Variants in TP63 observed in about 807,000 individuals in gnomAD.
TP63 encodes the protein tumor protein 63.
TP63 carries 17 observed loss-of-function variants against 82.8 expected under a neutral mutation model. The ratio of observed to expected loss-of-function variants is 0.21; its 90% confidence interval spans 0.14 to 0.31. The LOEUF is 0.31. Among genes scored for constraint, TP63 ranks in the 10% least tolerant of loss-of-function variants. TP63 has a pLI of 1.00. For missense variants in TP63, 648 were observed against 895.3 expected, an observed-to-expected ratio of 0.72 and a Z score of 3.52; for synonymous variants, 330 against 321.7, an observed-to-expected ratio of 1.03 and a Z score of -0.28.
chr3:189,648,932 A>G (rs879899927), intron 1 of TP63, among the ~76,000 whole-genome samples: 1 of 147,334 alleles, frequency 6.8e-6, no homozygotes, highest in Non-Finnish European at 1.5e-5. Flanking sequence ...TGCCTAATTA[A>G]TGGCAAAGGC....
intron 3 of TP63, among the ~76,000 whole-genome samples, chr3:189,739,906 C>T (rs537065877): frequency 6.6e-5 from 10 of 151,066 alleles, no homozygotes; most frequent in East Asian, 3.9e-4. Context: ...TATCTGTTGA[C>T]GAGATTAAGG....
At chr3:189,851,950 A>G (rs2030166056) in intron 4 of TP63, among the ~76,000 whole-genome samples, 1 of 152,088 alleles carries the variant, frequency 6.6e-6, no homozygotes, top group Non-Finnish European at 1.5e-5. Flanking sequence ...GAAGGGTTAT[A>G]TTTGCATTTC....
chr3:189,701,777 C>T (rs1717830426), intron 1 of TP63, among the ~76,000 whole-genome samples: 1 of 151,944 alleles, frequency 6.6e-6, no homozygotes, highest in East Asian at 1.9e-4. Flanking sequence ...ATTGATTCCT[C>T]ACTGTCTCTG....
intron 13 of TP63, 114 bp downstream of exon 13, chr3:189,890,996 C>CA: frequency 1.1e-6 from 1 of 929,254 alleles, no homozygotes; most frequent in East Asian, 2.6e-5. Flanking sequence ...GTCATGCCCC[C>CA]AATTATCCAT....
intron 3 of TP63, among the ~76,000 whole-genome samples, chr3:189,805,777 A>T (rs1280489865): frequency 6.6e-6 from 1 of 152,234 alleles, no homozygotes; most frequent in Admixed American, 6.5e-5. Context: ...CAACAAAACA[A>T]TGGCAGGATT....
chr3:189,751,035 G>T (rs1721782202), intron 3 of TP63, among the ~76,000 whole-genome samples: 1 of 152,034 alleles, frequency 6.6e-6, no homozygotes, highest in Non-Finnish European at 1.5e-5. Context: ...TGTTCTGATT[G>T]TTCAGTTCCC....
intron 4 of TP63, among the ~76,000 whole-genome samples, chr3:189,816,369 A>T (rs140534155): frequency 1.3e-5 from 2 of 152,194 alleles, no homozygotes; most frequent in African/African-American, 2.4e-5. Context: ...ATTTCCATAC[A>T]TGAGCTTTGC....
At chr3:189,874,309 T>A (rs1039916782) in intron 10 of TP63, among the ~76,000 whole-genome samples, 1 of 152,166 alleles carries the variant, frequency 6.6e-6, no homozygotes, top group Non-Finnish European at 1.5e-5. Context: ...TGAACTCAGG[T>A]GATCCACCCA....
intron 10 of TP63, among the ~76,000 whole-genome samples, chr3:189,875,589 C>CATATATATAT (rs779050433): frequency 0.083 from 3,670 of 44,096 alleles, 375 homozygotes; most frequent in South Asian, 0.12. Context: ...AAAAAAAATA[C>CATATATATAT]ATACATATAT....
At chr3:189,846,391 G>A (rs1342697495) in intron 4 of TP63, among the ~76,000 whole-genome samples, 1 of 152,094 alleles carries the variant, frequency 6.6e-6, no homozygotes, top group Non-Finnish European at 1.5e-5. Context: ...TGTCATTGTT[G>A]AAATATTTAG....
At chr3:189,677,347 T>TATATAAATAATTATATATATAA (rs1715508552) in intron 1 of TP63, among the ~76,000 whole-genome samples, 1 of 147,272 alleles carries the variant, frequency 6.8e-6, no homozygotes, top group Non-Finnish European at 1.5e-5. Flanking sequence ...TATATAAATA[T>TATATAAATAATTATATATATAA]ATATAAATAA....
chr3:189,630,008 A>T (rs1010305354), upstream of TP63, among the ~76,000 whole-genome samples: 4 of 152,300 alleles, frequency 2.6e-5, no homozygotes, highest in Middle Eastern at 3.4e-3. Context: ...TGAATTTCAC[A>T]ATTCACAGAT....
chr3:189,701,953 C>G (rs1387016046), intron 1 of TP63, among the ~76,000 whole-genome samples: 1 of 152,122 alleles, frequency 6.6e-6, no homozygotes, highest in African/African-American at 2.4e-5. Flanking sequence ...ACACAATTTA[C>G]CTTAATAAAT....
intron 4 of TP63, among the ~76,000 whole-genome samples, chr3:189,833,509 T>G (rs2108715195): frequency 6.6e-6 from 1 of 152,284 alleles, no homozygotes; most frequent in South Asian, 2.1e-4. Context: ...TATATGTATT[T>G]TCATGCATTA....
At chr3:189,861,369 T>C (rs571394566) in intron 4 of TP63, among the ~76,000 whole-genome samples, 2 of 150,688 alleles carry the variant, frequency 1.3e-5, no homozygotes, top group East Asian at 3.9e-4. Flanking sequence ...GATGATCCTA[T>C]GGTGTGTTTG....
At chr3:189,736,260 G>A (rs576396824) in intron 1 of TP63, among the ~76,000 whole-genome samples, 2 of 151,466 alleles carry the variant, frequency 1.3e-5, no homozygotes, top group South Asian at 2.1e-4. Context: ...TAAAAACATA[G>A]CATATAAGTT....
At chr3:189,615,090 T>C in the TP63 span, among the ~76,000 whole-genome samples, 3 of 152,278 alleles carry the variant, frequency 2.0e-5, no homozygotes, top group Admixed American at 6.5e-5. Context: ...ATTTGGGTTA[T>C]ACCACATCCT....
In TP63 at chr3:189,894,272, C is replaced by A. The variant is rs777373892; in HGVS notation, c.1813C>A (p.Arg605=). 6.2e-7 allele frequency: 1 copy of A among 1,614,058 alleles called. No homozygotes were observed. The change falls in exon 14 of 14, where the codon CGG becomes AGG. Residue 605 remains arginine, a synonymous_variant. Transcript: ENST00000264731. ...GATCTGGAAGGGCATCCTGGACCAC[C>A]GGCAGCTCCACGAATTCTCCTCCCC... The part of the protein sequence containing the change: ...HAIWKGILDH[R]QLHEFSSPSH...
At chr3:189,644,837 G>T (rs774743886) in intron 1 of TP63, among the ~76,000 whole-genome samples, 1 of 151,906 alleles carries the variant, frequency 6.6e-6, no homozygotes, top group East Asian at 1.9e-4. Flanking sequence ...ATTCTACCCA[G>T]GTTGCTGCAA....
Sources: gnomAD v4.1 joint callset for allele counts (sites outside exome capture counted in the v4.1 genomes callset) on GRCh38, gnomAD v4.1.1 for gene constraint, MANE v1.5 for transcripts, NCBI Gene and HGNC (gene_info 2026-07-23, HGNC 2026-07-21) for gene names.